VBP1: variants seen among roughly 807,000 people sequenced by gnomAD.
VBP1 encodes VHL binding protein 1.
In VBP1, 4 loss-of-function variants were observed where a neutral mutation model predicts 15.5. That is an observed-to-expected ratio of 0.26 (90% confidence interval 0.13 to 0.59). The LOEUF is 0.59. Among genes scored for constraint, VBP1 ranks in the 20% least tolerant of loss-of-function variants. The pLI is 0.90. For missense variants in VBP1, 108 were observed against 139.6 expected, an observed-to-expected ratio of 0.77 and a Z score of 1.14; for synonymous variants, 61 against 52.1, an observed-to-expected ratio of 1.17 and a Z score of -0.74.
chrX:155,212,689 G>A (rs2074648777), upstream of VBP1, among the ~76,000 whole-genome samples: 1 of 111,493 alleles, frequency 9.0e-6, no homozygotes, highest in Non-Finnish European at 1.9e-5. Flanking sequence ...CAAGTTCTAG[G>A]GCCTATTACA....
chrX:155,198,654 G>T (rs931690222), intron 1 of VBP1, among the ~76,000 whole-genome samples: 2 of 106,185 alleles, frequency 1.9e-5, no homozygotes, highest in African/African-American at 3.4e-5. Context: ...CCACAAAGAT[G>T]GGGAAAAAAC....
At chrX:155,197,373 A>C in intron 1 of VBP1, among the ~76,000 whole-genome samples, 1 of 111,797 alleles carries the variant, frequency 8.9e-6, no homozygotes, top group Non-Finnish European at 1.9e-5. Flanking sequence ...TCTTAAGGAA[A>C]GATAATTGCT....
chrX:155,214,216 A>G (rs1344552861), upstream of VBP1, among the ~76,000 whole-genome samples: 4 of 112,689 alleles, frequency 3.5e-5, no homozygotes, highest in African/African-American at 1.3e-4. Flanking sequence ...TTGTTGAATT[A>G]CTTTTTTCTT....
exon 1 of VBP1, chrX:155,197,066 A>G (rs1557306744): frequency 8.9e-6 from 1 of 112,345 alleles, no homozygotes. Flanking sequence ...ACATTATTGT[A>G]TACATCTAAA....
intron 1 of VBP1, among the ~76,000 whole-genome samples, chrX:155,201,313 A>C (rs1557307415): frequency 9.3e-6 from 1 of 107,913 alleles, no homozygotes; most frequent in African/African-American, 3.4e-5. Flanking sequence ...ACAAAAAAAG[A>C]GAATTTTAGA....
intron 1 of VBP1, among the ~76,000 whole-genome samples, chrX:155,204,195 C>T (rs1557307865): frequency 9.0e-6 from 1 of 111,254 alleles, no homozygotes; most frequent in Non-Finnish European, 1.9e-5. Flanking sequence ...CTCTGTCACC[C>T]AGGCTGGAGT....
At chrX:155,209,983 C>A (rs2074639007) in intron 2 of VBP1, among the ~76,000 whole-genome samples, 1 of 112,023 alleles carries the variant, frequency 8.9e-6, no homozygotes, top group Admixed American at 9.4e-5. Context: ...GAATCCTCCA[C>A]ATCTTCCAAG....
At chrX:155,197,415 G>C (rs1201738787) in intron 1 of VBP1, among the ~76,000 whole-genome samples, 1 of 111,611 alleles carries the variant, frequency 9.0e-6, no homozygotes, top group Non-Finnish European at 1.9e-5. Flanking sequence ...GCTATAAAAA[G>C]TTCACTATGA....
intron 1 of VBP1, among the ~76,000 whole-genome samples, chrX:155,204,572 A>G (rs1317513463): frequency 8.9e-6 from 1 of 112,182 alleles, no homozygotes; most frequent in African/African-American, 3.2e-5. Flanking sequence ...CTTGCATTGG[A>G]AAAAATGGCA....
intron 4 of VBP1, among the ~76,000 whole-genome samples, chrX:155,230,157 T>C (rs2074738612): frequency 8.9e-6 from 1 of 111,758 alleles, no homozygotes; most frequent in African/African-American, 3.3e-5. Flanking sequence ...AGGGAAAATC[T>C]GTTCTAGCCT....
chrX:155,236,316 C>T lies in VBP1; in HGVS notation c.472C>T (p.Leu158=). 1 of 1,210,712 alleles carries T rather than the reference C, an allele frequency of 8.3e-7. No individual in the cohort carries two copies. Among genetic ancestry groups the T allele is most frequent in the South Asian group, 1.8e-5 (1 of 56,848 alleles). Residue 158 remains leucine (L), a synonymous_variant, in exon 5 of 6, where the codon CTG becomes TTG. Coordinates refer to ENST00000286428, the MANE Select transcript of VBP1 (RefSeq NM_003372.7). ...GACTGCCACAAAGAATCTTGATTCC[C>T]TGGAGGAAGACCTTGACTTTCTTCG... The part of the protein sequence containing the change: ...LSTATKNLDS[L]EEDLDFLRDQ...
chrX:155,204,279 G>C (rs2074618587), intron 1 of VBP1, among the ~76,000 whole-genome samples: 1 of 110,897 alleles, frequency 9.0e-6, no homozygotes, highest in African/African-American at 3.3e-5. Flanking sequence ...CAGCCTCCCA[G>C]GTAGCTGGGG....
At chrX:155,223,700 C>T (rs1313481934) in intron 2 of VBP1, among the ~76,000 whole-genome samples, 2 of 112,255 alleles carry the variant, frequency 1.8e-5, no homozygotes, top group Admixed American at 9.3e-5. Context: ...CCGTTCTCAA[C>T]GAGCTGTTGG....
intron 1 of VBP1, among the ~76,000 whole-genome samples, chrX:155,200,457 A>C (rs1188895487): frequency 9.0e-6 from 1 of 111,205 alleles, no homozygotes; most frequent in African/African-American, 3.3e-5. Context: ...TAAGAAACTC[A>C]CTCAAAACCG....
upstream of VBP1, among the ~76,000 whole-genome samples, chrX:155,216,024 T>C (rs945098648): frequency 9.0e-6 from 1 of 110,585 alleles, no homozygotes; most frequent in Non-Finnish European, 1.9e-5. Flanking sequence ...CCTGGGATGG[T>C]GAGACCAGAA....
At chrX:155,210,942 A>G (rs2074642939) in intron 2 of VBP1, among the ~76,000 whole-genome samples, 1 of 112,051 alleles carries the variant, frequency 8.9e-6, no homozygotes, top group South Asian at 3.7e-4. Context: ...TAATGTGCCC[A>G]CACACCGTTA....
At chrX:155,224,119 T>C (rs1378919622) in intron 2 of VBP1, among the ~76,000 whole-genome samples, 1 of 63,524 alleles carries the variant, frequency 1.6e-5, no homozygotes, top group African/African-American at 6.5e-5. Context: ...CTTCCCAGAG[T>C]GGGCGGCCGG....
intron 1 of VBP1, among the ~76,000 whole-genome samples, chrX:155,199,079 A>G (rs946930939): frequency 1.3e-4 from 15 of 111,345 alleles, no homozygotes; most frequent in African/African-American, 4.6e-4. Flanking sequence ...AAAGAAATGA[A>G]CAAGGCCTCC....
chrX:155,205,413 C>G (rs781847820), intron 1 of VBP1, among the ~76,000 whole-genome samples: 151 of 112,164 alleles, frequency 1.3e-3, no homozygotes, highest in Non-Finnish European at 2.6e-3. Flanking sequence ...GATGACATCT[C>G]CATCCTTCCA....
Sources: allele counts gnomAD v4.1 joint callset (sites outside exome capture counted in the v4.1 genomes callset), GRCh38; gene constraint gnomAD v4.1.1; transcripts MANE v1.5; gene names NCBI Gene and HGNC (gene_info 2026-07-23, HGNC 2026-07-21).